CUX2: variants seen among roughly 807,000 people sequenced by gnomAD.
CUX2 encodes the protein cut like homeobox 2, also known as homeobox protein cut-like 2.
In CUX2, 40 loss-of-function variants were observed where a neutral mutation model predicts 144.8. The observed-to-expected ratio is 0.28, with a 90% CI of 0.21 to 0.36. CUX2 has a LOEUF of 0.36. Among genes scored for constraint, CUX2 ranks in the 10% least tolerant of loss-of-function variants. The pLI, the probability that CUX2 is intolerant of heterozygous loss-of-function variation, is 1.00. For missense variants in CUX2, 1,615 were observed against 1,994.0 expected (o/e 0.81, Z 3.62); for synonymous variants, 827 against 875.6 (o/e 0.94, Z 0.98).
rs1255135521 is a variant in CUX2, at chr12:111,310,067, A to C, written c.1285A>C (p.Ile429Leu). The C allele has an allele frequency of 7.3e-7, 1 of 1,372,450 alleles. No homozygotes were observed. The highest frequency in any genetic ancestry group is 9.4e-7 in the Non-Finnish European group (1 of 1,062,366). 85.0% of individuals were successfully genotyped at this position (1,372,450 alleles called of 1,614,324 possible). The change falls in exon 15 of 22, where the codon ATC becomes CTC. Residue 429 changes from isoleucine to leucine, a missense_variant. Around this residue, in one of 12 missense-constraint regions of CUX2, gnomAD observed 8 missense variants for 27.6 expected, o/e 0.29. Coordinates refer to ENST00000261726, the MANE Select transcript of CUX2 (RefSeq NM_015267.4). This position sits in a 1 kb window ranked among gnomAD's most constrained non-coding sequence, Gnocchi z 7.9. Reference sequence around the variant, plus strand: ...GGAAGACCCATCAGAGGACGATTCCATCAAGGATTCACTGGGCACGGAGCA... The same window carrying C: ...GGAAGACCCATCAGAGGACGATTCCCTCAAGGATTCACTGGGCACGGAGCA... The part of the protein sequence containing the change: ...PEEDPSEDDS[I>L]KDSLGTEQSY...
intron 1 of CUX2, among the ~76,000 whole-genome samples, chr12:111,091,902 G>A (rs1872579676): frequency 6.6e-6 from 1 of 152,158 alleles, no homozygotes; most frequent in Admixed American, 6.5e-5. Flanking sequence ...GACAAGGGTC[G>A]CTAGATTTAG....
intron 1 of CUX2, among the ~76,000 whole-genome samples, chr12:111,113,036 A>G (rs986322473): frequency 6.6e-5 from 10 of 152,234 alleles, no homozygotes; most frequent in African/African-American, 2.4e-4. Context: ...TTTGGAGGAA[A>G]GCATAGGAGC....
Position 111,167,326 on chromosome 12 carries a change from G to A in CUX2, c.64-46874G>A, listed in dbSNP as rs551158023. ...AAGTTCACACTCCTTGACTTGGCTCGAAAACCTCTTGTGATATGACCCCTG... is the reference window on the plus strand; with the variant it reads ...AAGTTCACACTCCTTGACTTGGCTCAAAAACCTCTTGTGATATGACCCCTG... On this transcript the variant is annotated intron_variant, in intron 1 of 21. Coordinates refer to ENST00000261726, the MANE Select transcript of CUX2 (RefSeq NM_015267.4). 1.9e-4 allele frequency among the ~76,000 whole-genome samples: 29 copies of A among 152,082 alleles called. No individual in the cohort carries two copies. In the South Asian group the frequency reaches 4.0e-3, roughly 21 times the overall value.
At chr12:111,250,462 C>T (rs1441677631) in intron 3 of CUX2, among the ~76,000 whole-genome samples, 2 of 152,260 alleles carry the variant, frequency 1.3e-5, no homozygotes, top group Non-Finnish European at 1.5e-5. Flanking sequence ...GGCTCAGATG[C>T]GCTAATTCCC....
intron 4 of CUX2, among the ~76,000 whole-genome samples, chr12:111,279,887 C>T (rs778083321): frequency 2.6e-5 from 4 of 152,200 alleles, no homozygotes; most frequent in Non-Finnish European, 5.9e-5. Flanking sequence ...GAGGCTGAGG[C>T]AGGAGAATCA....
chr12:111,148,597 T>C (rs2136133005), intron 1 of CUX2, among the ~76,000 whole-genome samples: 1 of 152,360 alleles, frequency 6.6e-6, no homozygotes, highest in Non-Finnish European at 1.5e-5. Flanking sequence ...CTACTACTAT[T>C]AATACTATGT....
chr12:111,099,770 C>A, intron 1 of CUX2: 1 of 437,672 alleles, frequency 2.3e-6, no homozygotes, highest in South Asian at 1.6e-5. Flanking sequence ...CAGACCCAGG[C>A]AGCCTGGGTC....
intron 21 of CUX2, among the ~76,000 whole-genome samples, chr12:111,345,496 C>T (rs2136455015): frequency 6.7e-6 from 1 of 149,474 alleles, no homozygotes; most frequent in South Asian, 2.1e-4. Flanking sequence ...GTAATCCCAG[C>T]ACTTTGGGAG....
chr12:111,282,446 G>T (rs1473267499), intron 4 of CUX2, among the ~76,000 whole-genome samples: 1 of 151,928 alleles, frequency 6.6e-6, no homozygotes, highest in Non-Finnish European at 1.5e-5. Context: ...GACCAATATG[G>T]TGAAACCCCG....
chr12:111,093,333 A>G (rs1286338081), intron 1 of CUX2, among the ~76,000 whole-genome samples: 2 of 152,208 alleles, frequency 1.3e-5, no homozygotes, highest in African/African-American at 4.8e-5. Context: ...TGGCTCGCCC[A>G]GGAGGGTGTC....
chr12:111,126,196 C>T (rs1250859026), intron 1 of CUX2, among the ~76,000 whole-genome samples: 1 of 151,706 alleles, frequency 6.6e-6, no homozygotes, highest in East Asian at 1.9e-4. Flanking sequence ...GCAACCTCTG[C>T]CTCTCAGGTT....
In CUX2 at chr12:111,214,281, C is replaced by T. The variant is rs201396910; in HGVS notation, c.145C>T (p.Arg49Cys). The T allele has an allele frequency of 2.9e-5, 47 of 1,606,622 alleles. No homozygotes were observed. Among genetic ancestry groups the T allele is most frequent in the African/African-American group, 1.9e-4 (14 of 74,218 alleles). Residue 49 changes from arginine to cysteine, a missense_variant, in exon 2 of 22, where the codon CGC (arginine) becomes TGC (cysteine). Around this residue, in one of 12 missense-constraint regions of CUX2, gnomAD observed 64 missense variants for 64.9 expected, o/e 0.99. Coordinates refer to ENST00000261726, the MANE Select transcript of CUX2 (RefSeq NM_015267.4). ...TTCTCATAAACATTTAATTGAACTC[C>T]GCCGGGAATTTAAGAAAAATGTACC... ...EHSHKHLIEL[R>C]REFKKNVPEE...
At chr12:111,144,190 C>T (rs1369871384) in intron 1 of CUX2, among the ~76,000 whole-genome samples, 2 of 152,168 alleles carry the variant, frequency 1.3e-5, no homozygotes, top group African/African-American at 4.8e-5. Flanking sequence ...TAATGATGCC[C>T]AGAACTGTGT....
chr12:111,125,274 G>C (rs1874986399), intron 1 of CUX2, among the ~76,000 whole-genome samples: 1 of 151,872 alleles, frequency 6.6e-6, no homozygotes. Context: ...CCGCCTCTTG[G>C]GTTCAAGCGA....
At position 111,307,088 on chromosome 12, in the gene CUX2, C is replaced by T. The variant is rs1031712826; in HGVS notation, c.1026C>T (p.Leu342=). The change falls in exon 11 of 22, where the codon CTC becomes CTT. Residue 342 remains leucine (L), a synonymous_variant. Transcript: ENST00000261726. This position sits in a 1 kb window ranked among gnomAD's most constrained non-coding sequence, Gnocchi z 4.1. ...AGATCGCCGACCTGGAGCGGCAGCTCACGGCCAAGTCCGAGGCCATAGAAG... is the reference window on the plus strand; with the variant it reads ...AGATCGCCGACCTGGAGCGGCAGCTTACGGCCAAGTCCGAGGCCATAGAAG... ...ANQIADLERQ[L]TAKSEAIEKL... 1.2e-6 allele frequency: 2 copies of T among 1,612,808 alleles called. No homozygotes were observed. The highest frequency in any genetic ancestry group is 1.7e-6 in the Non-Finnish European group (2 of 1,179,086).
At chr12:111,298,905 G>T (rs1459766473) in intron 9 of CUX2, among the ~76,000 whole-genome samples, 1 of 152,196 alleles carries the variant, frequency 6.6e-6, no homozygotes, top group Non-Finnish European at 1.5e-5. Flanking sequence ...AGACGTCCTA[G>T]AGGAAGGGAT....
At chr12:111,249,720 A>G (rs2136273247) in intron 3 of CUX2, among the ~76,000 whole-genome samples, 1 of 152,114 alleles carries the variant, frequency 6.6e-6, no homozygotes, top group African/African-American at 2.4e-5. Flanking sequence ...AGCCTTCCAA[A>G]GTGCTGGGAT....
intron 4 of CUX2, among the ~76,000 whole-genome samples, chr12:111,283,598 G>C (rs993712173): frequency 6.6e-6 from 1 of 152,244 alleles, no homozygotes; most frequent in Non-Finnish European, 1.5e-5. Context: ...TTACTAATGG[G>C]GAAACTGAGG....
chr12:111,348,368 T>A lies in CUX2; in HGVS notation c.*43T>A. 1 of 1,541,452 alleles carries A rather than the reference T, an allele frequency of 6.5e-7. No individual in the cohort carries two copies. On this transcript the variant is annotated 3_prime_UTR_variant, in exon 22 of 22. Transcript: ENST00000261726. ...AAGGGACATACCCTGGTAACTACCT[T>A]CCTTCTCGCACTTACTCTCCTCAAC...
Sources: gnomAD v4.1 joint callset for allele counts (sites outside exome capture counted in the v4.1 genomes callset) on GRCh38, gnomAD v4.1.1 for gene constraint, gnomAD v4.1.1 regional missense constraint, Gnocchi (gnomAD v3.1) non-coding constraint, MANE v1.5 for transcripts, NCBI Gene and HGNC (gene_info 2026-07-23, HGNC 2026-07-21) for gene names.